The following FTO variants were observed in gnomAD, a reference collection of about 807,000 sequenced individuals.
FTO encodes FTO alpha-ketoglutarate dependent dioxygenase.
A neutral mutation model predicts 63.9 loss-of-function variants in FTO; 47 were observed. The ratio of observed to expected loss-of-function variants is 0.74; its 90% confidence interval spans 0.58 to 0.94. FTO has a LOEUF of 0.94. Among genes scored for constraint, FTO ranks in the 40% least tolerant of loss-of-function variants. The probability of loss-of-function intolerance (pLI) is 0.00; values close to 1 mark genes in which losing one functional copy is unlikely to be tolerated. For synonymous variants in FTO, 207 were observed against 224.4 expected, an observed-to-expected ratio of 0.92 and a Z score of 0.69; for missense variants, 562 against 618.1, an observed-to-expected ratio of 0.91 and a Z score of 0.96.
chr16:53,960,699 A>C (rs896880272), intron 8 of FTO, among the ~76,000 whole-genome samples: 5 of 150,770 alleles, frequency 3.3e-5, no homozygotes, highest in Non-Finnish European at 7.4e-5. Flanking sequence ...GAATGGGTTC[A>C]ATTACCAGAA....
At chr16:53,925,394 G>A (rs2082115603) in intron 7 of FTO, among the ~76,000 whole-genome samples, 1 of 152,114 alleles carries the variant, frequency 6.6e-6, no homozygotes, top group African/African-American at 2.4e-5. Flanking sequence ...GGGTAGATGG[G>A]GAGGTCAGAA....
chr16:54,042,262 A>T (rs1167377249), intron 8 of FTO, among the ~76,000 whole-genome samples: 1 of 141,994 alleles, frequency 7.0e-6, no homozygotes, highest in Non-Finnish European at 1.5e-5. Context: ...ACCGTGCGCG[A>T]GCCGAAGCAG....
intron 1 of FTO, among the ~76,000 whole-genome samples, chr16:53,767,658 A>G (rs544138505): frequency 6.6e-6 from 1 of 152,074 alleles, no homozygotes; most frequent in African/African-American, 2.4e-5. Flanking sequence ...TTCAATTTTA[A>G]TGTTATATCA....
chr16:53,944,141 T>C (rs2082602361), intron 8 of FTO, among the ~76,000 whole-genome samples: 1 of 152,216 alleles, frequency 6.6e-6, no homozygotes, highest in African/African-American at 2.4e-5. Context: ...CAAATATTTC[T>C]TAAGTGCCTA....
intron 8 of FTO, among the ~76,000 whole-genome samples, chr16:53,990,482 A>C (rs972792843): frequency 6.6e-6 from 1 of 152,046 alleles, no homozygotes; most frequent in Non-Finnish European, 1.5e-5. Context: ...CTCACACCAG[A>C]CAGCGGCAGG....
intron 8 of FTO, among the ~76,000 whole-genome samples, chr16:53,977,389 A>T (rs9924708): frequency 6.6e-6 from 1 of 152,120 alleles, no homozygotes; most frequent in African/African-American, 2.4e-5. Flanking sequence ...GACATTTTAT[A>T]TATAATTTTC....
At chr16:54,094,875 C>T (rs1369529335) in intron 8 of FTO, among the ~76,000 whole-genome samples, 1 of 152,146 alleles carries the variant, frequency 6.6e-6, no homozygotes, top group Non-Finnish European at 1.5e-5. Flanking sequence ...TGCGGAGCAC[C>T]GTGACATAGA....
intron 3 of FTO, among the ~76,000 whole-genome samples, chr16:53,835,798 T>C (rs897734791): frequency 5.3e-5 from 8 of 152,158 alleles, no homozygotes; most frequent in African/African-American, 1.9e-4. Flanking sequence ...ACTCTTCCTC[T>C]AGTTTTCTTG....
chr16:54,095,588 C>A (rs2086498613), intron 8 of FTO, among the ~76,000 whole-genome samples: 1 of 152,136 alleles, frequency 6.6e-6, no homozygotes, highest in South Asian at 2.1e-4. Flanking sequence ...TCCTTGAAGT[C>A]TTGGTTTTGA....
chr16:53,924,768 T>C (rs1016367976), intron 7 of FTO, among the ~76,000 whole-genome samples: 2 of 152,154 alleles, frequency 1.3e-5, no homozygotes, highest in Admixed American at 6.5e-5. Context: ...TGTGTAAACA[T>C]TGGCACCCCC....
At chr16:54,070,490 A>G (rs1398667343) in intron 8 of FTO, 3 of 152,278 alleles carry the variant, frequency 2.0e-5, no homozygotes, top group African/African-American at 7.2e-5. Flanking sequence ...CACACCTTCT[A>G]TCCAAAGCAA....
chr16:54,018,652 A>C (rs549854672), intron 8 of FTO, among the ~76,000 whole-genome samples: 63 of 152,158 alleles, frequency 4.1e-4, no homozygotes, highest in Admixed American at 3.6e-3. Flanking sequence ...ATAGTGAGTA[A>C]ATTCTCATGA....
intron 3 of FTO, among the ~76,000 whole-genome samples, chr16:53,840,669 G>A (rs896895855): frequency 7.2e-5 from 11 of 152,178 alleles, no homozygotes; most frequent in African/African-American, 2.4e-4. Flanking sequence ...AGCAGGTCAC[G>A]GGACTGATTT....
At chr16:53,764,951 C>T (rs1402035332) in intron 1 of FTO, among the ~76,000 whole-genome samples, 3 of 152,082 alleles carry the variant, frequency 2.0e-5, no homozygotes, top group African/African-American at 7.2e-5. Flanking sequence ...ATTTCCTGAC[C>T]TCAAATGATC....
At chr16:53,841,173 T>C (rs1336689622) in intron 3 of FTO, among the ~76,000 whole-genome samples, 2 of 151,272 alleles carry the variant, frequency 1.3e-5, no homozygotes, top group African/African-American at 4.9e-5. Flanking sequence ...CATAACACTC[T>C]TTCCTGCTGA....
Position 53,719,632 on chromosome 16 carries a change from GT to G in FTO, c.45+15421del, listed in dbSNP as rs751170395. On this transcript the variant is annotated intron_variant, in intron 1 of 8. Transcript: ENST00000471389. Reference sequence around the variant, plus strand: ...AATTGACTATATTTGCTGGTAGTCTGTTTTTTTTTTTTTTTTTTAAACAAGC... The same window carrying G: ...AATTGACTATATTTGCTGGTAGTCTGTTTTTTTTTTTTTTTTTAAACAAGC... 6.5e-3 allele frequency among the ~76,000 whole-genome samples: 655 copies of G among 100,018 alleles called. 2 individuals are homozygous for G. The highest frequency in any genetic ancestry group is 9.9e-3 in the South Asian group (31 of 3,146). 65.6% of individuals were successfully genotyped at this position (100,018 alleles called of 152,430 possible).
intron 2 of FTO, among the ~76,000 whole-genome samples, chr16:53,811,009 A>G (rs1186622142): frequency 6.6e-6 from 1 of 152,144 alleles, no homozygotes; most frequent in Non-Finnish European, 1.5e-5. Context: ...CCAGGAAGTA[A>G]TCCTGTTGGC....
chr16:54,100,542 A>G (rs1002673438), intron 8 of FTO, among the ~76,000 whole-genome samples: 4 of 151,974 alleles, frequency 2.6e-5, no homozygotes, highest in South Asian at 4.1e-4. Flanking sequence ...TTTCGTACAG[A>G]TGGGGTTTCA....
intron 8 of FTO, among the ~76,000 whole-genome samples, chr16:53,968,411 T>A (rs2083242634): frequency 6.6e-6 from 1 of 152,202 alleles, no homozygotes. Flanking sequence ...GAAGATAATC[T>A]TGGCAACATA....
Sources: gnomAD v4.1 joint callset for allele counts (sites outside exome capture counted in the v4.1 genomes callset) on GRCh38, gnomAD v4.1.1 for gene constraint, MANE v1.5 for transcripts, NCBI Gene and HGNC (gene_info 2026-07-23, HGNC 2026-07-21) for gene names.